CADPS2: variants seen among roughly 807,000 people sequenced by gnomAD.
CADPS2 encodes calcium dependent secretion activator 2.
In CADPS2, 93 loss-of-function variants were observed where a neutral mutation model predicts 172.5. That is an observed-to-expected ratio of 0.54 (90% CI 0.46 to 0.64). The LOEUF (loss-of-function observed/expected upper bound fraction) is 0.64. Among genes scored for constraint, CADPS2 ranks in the 30% least tolerant of loss-of-function variants. The pLI, the probability that CADPS2 is intolerant of heterozygous loss-of-function variation, is 0.00. For missense variants in CADPS2, 1,420 were observed against 1,565.9 expected, an observed-to-expected ratio of 0.91 and a Z score of 1.57; for synonymous variants, 546 against 555.2, an observed-to-expected ratio of 0.98 and a Z score of 0.23.
At chr7:122,501,969 CAT>C (rs1442832457) in intron 9 of CADPS2, among the ~76,000 whole-genome samples, 4 of 148,774 alleles carry the variant, frequency 2.7e-5, no homozygotes, top group Admixed American at 1.3e-4. Flanking sequence ...TCCAATATAT[CAT>C]ATTATTTTAT....
At chr7:122,442,251 A>G (rs1319717018) in intron 15 of CADPS2, among the ~76,000 whole-genome samples, 1 of 152,234 alleles carries the variant, frequency 6.6e-6, no homozygotes, top group Non-Finnish European at 1.5e-5. Flanking sequence ...CCTGATGGTA[A>G]CAGGTTTATT....
chr7:122,657,786 T>A lies in CADPS2; in HGVS notation c.786+5451A>T, dbSNP rs7789692. On this transcript the variant is annotated intron_variant, in intron 3 of 29. Coordinates refer to ENST00000449022, the MANE Select transcript of CADPS2 (RefSeq NM_017954.11). Reference sequence around the variant, plus strand: ...ACAATTTGACTTCCTCTTTTCCTAATTGAATACCCTTTCTTTCTTTCTCCT... The same window carrying A: ...ACAATTTGACTTCCTCTTTTCCTAAATGAATACCCTTTCTTTCTTTCTCCT... Among the ~76,000 whole-genome samples the A allele has an allele frequency of 3.3e-5, 5 of 151,896 alleles. No homozygotes were observed. In the South Asian group the frequency reaches 1.0e-3, roughly 32 times the overall value.
chr7:122,699,456 AT>A (rs2085679414), intron 2 of CADPS2, among the ~76,000 whole-genome samples: 1 of 152,218 alleles, frequency 6.6e-6, no homozygotes, highest in Non-Finnish European at 1.5e-5. Flanking sequence ...AAAAAGGATA[AT>A]TAAAAATTAG....
At chr7:122,506,590 T>C (rs1212718508) in intron 9 of CADPS2, among the ~76,000 whole-genome samples, 2 of 152,184 alleles carry the variant, frequency 1.3e-5, no homozygotes, top group African/African-American at 4.8e-5. Flanking sequence ...GGTTTGTATG[T>C]CGTATTCCTA....
At chr7:122,739,226 A>C (rs2092345689) in intron 1 of CADPS2, among the ~76,000 whole-genome samples, 1 of 152,178 alleles carries the variant, frequency 6.6e-6, no homozygotes. Context: ...TGGCAATGGA[A>C]ATGTATGCAA....
At chr7:122,584,909 AT>A (rs1184140250) in intron 6 of CADPS2, among the ~76,000 whole-genome samples, 1 of 151,928 alleles carries the variant, frequency 6.6e-6, no homozygotes, top group Non-Finnish European at 1.5e-5. Flanking sequence ...TAATTTCCAG[AT>A]TTTGTGTGTC....
intron 1 of CADPS2, among the ~76,000 whole-genome samples, chr7:122,782,720 T>C (rs542798182): frequency 6.6e-6 from 1 of 152,246 alleles, no homozygotes; most frequent in Non-Finnish European, 1.5e-5. Context: ...ACTAAGAAAG[T>C]ATTTGGTCAT....
intron 2 of CADPS2, among the ~76,000 whole-genome samples, chr7:122,672,526 G>A (rs141903942): frequency 9.9e-4 from 150 of 152,194 alleles, no homozygotes; most frequent in African/African-American, 3.4e-3. Flanking sequence ...CAATATCATC[G>A]TCTTTTAAAG....
chr7:122,570,008 C>T (rs545985444), intron 7 of CADPS2, among the ~76,000 whole-genome samples: 1 of 150,232 alleles, frequency 6.7e-6, no homozygotes, highest in Admixed American at 6.6e-5. Flanking sequence ...AAAGCAATGG[C>T]AACAAAAGCC....
At chr7:122,587,483 T>C (rs1289802801) in intron 6 of CADPS2, among the ~76,000 whole-genome samples, 2 of 152,134 alleles carry the variant, frequency 1.3e-5, no homozygotes, top group East Asian at 3.9e-4. Flanking sequence ...CCATGGTGTA[T>C]ATATACCACA....
chr7:122,748,468 C>T (rs2092813272), intron 1 of CADPS2, among the ~76,000 whole-genome samples: 1 of 152,114 alleles, frequency 6.6e-6, no homozygotes, highest in Non-Finnish European at 1.5e-5. Flanking sequence ...TTCCGACAGC[C>T]TCAGGAGCAG....
intron 6 of CADPS2, among the ~76,000 whole-genome samples, chr7:122,586,594 G>T (rs183750195): frequency 6.6e-6 from 1 of 152,084 alleles, no homozygotes; most frequent in East Asian, 1.9e-4. Flanking sequence ...AGCTTTGCAA[G>T]ATGTTATGTT....
intron 1 of CADPS2, among the ~76,000 whole-genome samples, chr7:122,869,272 TAAGTTAAAATATTGTTTCTA>T (rs1438235968): frequency 6.6e-6 from 1 of 152,032 alleles, no homozygotes; most frequent in African/African-American, 2.4e-5. Flanking sequence ...TTGTTATAAA[TAAGTTAAAATATTGTTTCTA>T]AAGTGAAAAC....
chr7:122,829,422 T>C (rs1056694244), intron 1 of CADPS2, among the ~76,000 whole-genome samples: 3 of 152,160 alleles, frequency 2.0e-5, no homozygotes, highest in African/African-American at 7.2e-5. Flanking sequence ...CAAATGTGTT[T>C]TACAAGGAGA....
chr7:122,447,751 C>T (rs2052484242), intron 15 of CADPS2, among the ~76,000 whole-genome samples: 1 of 151,412 alleles, frequency 6.6e-6, no homozygotes, highest in East Asian at 1.9e-4. Context: ...CAGGGTTTTA[C>T]CATGTTGGCC....
At chr7:122,734,362 A>AAAAAAAAAAAAAAAAAAAAAAAAAAAG (rs2091954877) in intron 2 of CADPS2, among the ~76,000 whole-genome samples, 1 of 85,726 alleles carries the variant, frequency 1.2e-5, no homozygotes, top group Non-Finnish European at 2.7e-5. Flanking sequence ...ATAGTAAAAA[A>AAAAAAAAAAAAAAAAAAAAAAAAAAAG]AAAAAAAAAA....
chr7:122,858,399 A>ACCCC (rs1815941075), intron 1 of CADPS2, among the ~76,000 whole-genome samples: 3 of 152,184 alleles, frequency 2.0e-5, no homozygotes, highest in Non-Finnish European at 4.4e-5. Context: ...TGTAAGAAAA[A>ACCCC]AGACACTTTG....
intron 2 of CADPS2, among the ~76,000 whole-genome samples, chr7:122,667,294 T>C (rs1491003629): frequency 2.0e-5 from 3 of 152,214 alleles, no homozygotes; most frequent in South Asian, 2.1e-4. Context: ...AACCCTTTAA[T>C]TGCTTAATTT....
At chr7:122,640,803 G>A (rs181442567) in intron 3 of CADPS2, among the ~76,000 whole-genome samples, 14 of 151,994 alleles carry the variant, frequency 9.2e-5, no homozygotes, top group African/African-American at 2.4e-4. Context: ...ACTTGGCGGC[G>A]GGCGCCTGTA....
Sources: gnomAD v4.1 joint callset for allele counts (sites outside exome capture counted in the v4.1 genomes callset) on GRCh38, gnomAD v4.1.1 for gene constraint, MANE v1.5 for transcripts, NCBI Gene and HGNC (gene_info 2026-07-23, HGNC 2026-07-21) for gene names.